The following TRPV4 variants were observed in gnomAD, a reference collection of about 807,000 sequenced individuals.
The protein encoded by TRPV4 is OSM9-like transient receptor potential channel 4.
In TRPV4, 58 loss-of-function variants were observed where a neutral mutation model predicts 84.1. The observed-to-expected ratio is 0.69, with a 90% CI of 0.56 to 0.86. The LOEUF is 0.86. Among genes scored for constraint, TRPV4 ranks in the 40% least tolerant of loss-of-function variants. The pLI, the probability that TRPV4 is intolerant of heterozygous loss-of-function variation, is 0.00. For missense variants in TRPV4, 879 were observed against 1,181.1 expected (o/e 0.74, Z 3.75); for synonymous variants, 489 against 500.9 (o/e 0.98, Z 0.32).
At chr12:109,802,293 C>T (rs1415202366) in intron 4 of TRPV4, among the ~76,000 whole-genome samples, 2 of 149,626 alleles carry the variant, frequency 1.3e-5, no homozygotes, top group Non-Finnish European at 3.0e-5. Flanking sequence ...ACAAGCCTGG[C>T]TTTTTTTGCA....
rs1340974810 is a variant in TRPV4, at chr12:109,786,802, G to A, written c.2244C>T (p.Phe748=). 12 of 1,613,930 alleles carry A rather than the reference G, an allele frequency of 7.4e-6. No individual in the cohort carries two copies. The Admixed American group carries it at 1.2e-4, about 16-fold the overall frequency. ...GGAAGGCCTTCCTCAGGAATACGGG[G>A]AAGGAGCGCTCAATGTCCAGGATGG... ...ATTILDIERS[F]PVFLRKAFRS... The change falls in exon 14 of 16, where the codon TTC becomes TTT. Residue 748 remains phenylalanine, a synonymous_variant. Coordinates refer to ENST00000261740, the MANE Select transcript of TRPV4 (RefSeq NM_021625.5). The surrounding 1 kb of genome is among the most constrained non-coding windows in gnomAD (Gnocchi z 4.5).
In TRPV4 at chr12:109,793,992, A is replaced by G. The variant is rs1167973138; in HGVS notation, c.1522T>C (p.Tyr508His). Residue 508 changes from tyrosine to histidine, a missense_variant, in exon 9 of 16, where the codon TAC (tyrosine) becomes CAC (histidine). Physicochemically the swap from Tyr to His is moderately conservative, Grantham distance 83 (BLOSUM62 2). Around this residue, in one of 4 missense-constraint regions of TRPV4, gnomAD observed 521 missense variants for 686.6 expected, o/e 0.76. Coordinates refer to ENST00000261740, the MANE Select transcript of TRPV4 (RefSeq NM_021625.5). This position sits in a 1 kb window ranked among gnomAD's most constrained non-coding sequence, Gnocchi z 4.0. ...ATGACCTCGCCAGCCAGCCGCAGGT[A>G]GTCCACCGTGGTGCGGTAAGGGTAC... ...PPYPYRTTVD[Y>H]LRLAGEVITL... 19 of 1,610,374 alleles carry G rather than the reference A, an allele frequency of 1.2e-5. No individual in the cohort carries two copies. The highest frequency in any genetic ancestry group is 1.6e-5 in the Non-Finnish European group (19 of 1,179,058).
rs376898641 is a variant in TRPV4 at position 109,808,441 on chromosome 12, A to T, written c.414T>A (p.Pro138=). ...TGAGGATGGGGGGCGGCTGAGGGGCAGGGGCTTTGGGGCTCTGCGGCTGCT... is the reference window on the plus strand; with the variant it reads ...TGAGGATGGGGGGCGGCTGAGGGGCTGGGGCTTTGGGGCTCTGCGGCTGCT... ...IEKQPQSPKA[P]APQPPPILKV... Residue 138 remains proline, a synonymous_variant, in exon 3 of 16, where the codon CCT becomes CCA. Coordinates refer to ENST00000261740, the MANE Select transcript of TRPV4 (RefSeq NM_021625.5). 1 of 1,613,758 alleles carries T rather than the reference A, an allele frequency of 6.2e-7. No individual in the cohort carries two copies. The highest frequency in any genetic ancestry group is 1.3e-5 in the African/African-American group (1 of 74,896).
rs1415066165 is a variant in TRPV4 at position 109,786,190 on chromosome 12, C to T, written c.2336+520G>A. Among the ~76,000 whole-genome samples, 2 of 152,186 alleles carry T rather than the reference C, an allele frequency of 1.3e-5. 1 individual carries two copies. The highest frequency in any genetic ancestry group is 4.1e-4 in the South Asian group (2 of 4,834). On this transcript the variant is annotated intron_variant, in intron 14 of 15. Coordinates refer to ENST00000261740, the MANE Select transcript of TRPV4 (RefSeq NM_021625.5). The surrounding 1 kb of genome is among the most constrained non-coding windows in gnomAD (Gnocchi z 4.5). ...AAGAAAAGATTCATGAAGGGGTTCCCCTAAGAAGCTGGCACTCCCTGTGCC... is the reference window on the plus strand; with the variant it reads ...AAGAAAAGATTCATGAAGGGGTTCCTCTAAGAAGCTGGCACTCCCTGTGCC...
intron 2 of TRPV4, among the ~76,000 whole-genome samples, chr12:109,811,762 C>T (rs1413977305): frequency 6.6e-6 from 1 of 151,986 alleles, no homozygotes; most frequent in Non-Finnish European, 1.5e-5. Flanking sequence ...GAATCGGCTC[C>T]ATCCAAGAGA....
At chr12:109,784,254 TCAAAG>T in intron 15 of TRPV4, 57 bp downstream of exon 15, 1 of 1,612,806 alleles carries the variant, frequency 6.2e-7, no homozygotes, top group Non-Finnish European at 8.5e-7. Flanking sequence ...GCAGGACTGC[TCAAAG>T]CAAATTCGTG....
intron 13 of TRPV4, among the ~76,000 whole-genome samples, chr12:109,787,788 C>T (rs1205858589): frequency 6.6e-6 from 1 of 152,108 alleles, no homozygotes; most frequent in Non-Finnish European, 1.5e-5. Flanking sequence ...ATTCCTGGGC[C>T]GTGGGGCAGC....
Position 109,800,828 on chromosome 12 carries a change from G to A in TRPV4, c.713-70C>T. 2.6e-6 allele frequency: 4 copies of A among 1,525,012 alleles called. No individual in the cohort carries two copies. In the South Asian group the frequency reaches 3.4e-5, roughly 13 times the overall value. The allele number at this position is 1,525,012 out of a possible 1,614,324, so 94.5% of individuals were successfully genotyped here. A position where few individuals can be genotyped will look rare whatever the true frequency, so the allele number is the denominator to read the frequency against. On this transcript the variant is annotated intron_variant, in intron 4 of 15. Coordinates refer to ENST00000261740, the MANE Select transcript of TRPV4 (RefSeq NM_021625.5). ...CCTAGCCAGGCTTGCTGGGGGTGGG[G>A]GTAGGGTGCAGGACGTAGAAATTGG...
intron 1 of TRPV4, among the ~76,000 whole-genome samples, chr12:109,820,819 G>A (rs995637511): frequency 2.0e-5 from 3 of 152,066 alleles, no homozygotes; most frequent in African/African-American, 4.8e-5. Context: ...CACTACGCCC[G>A]GCCCTCAGCT....
At chr12:109,807,054 A>G (rs1179368163) in intron 3 of TRPV4, among the ~76,000 whole-genome samples, 2 of 152,090 alleles carry the variant, frequency 1.3e-5, no homozygotes, top group Non-Finnish European at 2.9e-5. Flanking sequence ...AGGCGGGCAG[A>G]TCACCTGAGG....
intron 1 of TRPV4, among the ~76,000 whole-genome samples, chr12:109,822,144 G>T (rs1200045120): frequency 6.9e-6 from 1 of 144,558 alleles, no homozygotes; most frequent in Non-Finnish European, 1.5e-5. Flanking sequence ...GTGCACAGAG[G>T]AATGGTGTGG....
At chr12:109,792,452 G>A (rs1194777253) in intron 11 of TRPV4, 23 bp from the exon 12 acceptor site, 1 of 1,612,658 alleles carries the variant, frequency 6.2e-7, no homozygotes, top group Non-Finnish European at 8.5e-7. Context: ...GCGGGATTAT[G>A]GAGGCAAAGA....
At chr12:109,792,576 T>A in intron 11 of TRPV4, 76 bp downstream of exon 11, 1 of 1,597,522 alleles carries the variant, frequency 6.3e-7, no homozygotes, top group Non-Finnish European at 8.6e-7. Flanking sequence ...GGTCTGCAGG[T>A]GCATAAGTGT....
rs115577426 is a variant in TRPV4 at position 109,786,469 on chromosome 12, C to T, written c.2336+241G>A. On this transcript the variant is annotated intron_variant, in intron 14 of 15. Coordinates refer to ENST00000261740, the MANE Select transcript of TRPV4 (RefSeq NM_021625.5). This position sits in a 1 kb window ranked among gnomAD's most constrained non-coding sequence, Gnocchi z 4.5. ...TTCTCACGTGCTGACCTGTCTAATC[C>T]GCACCGCCAGCCTAGGAGCCCGTGA... Among the ~76,000 whole-genome samples, 3,688 of 152,290 alleles carry T rather than the reference C, an allele frequency of 0.024. 79 individuals are homozygous for T. Among genetic ancestry groups the T allele is most frequent in the African/African-American group, 0.06 (2,475 of 41,564 alleles).
intron 1 of TRPV4, among the ~76,000 whole-genome samples, chr12:109,825,501 A>G (rs1166332705): frequency 1.3e-5 from 2 of 151,944 alleles, no homozygotes; most frequent in South Asian, 2.1e-4. Flanking sequence ...GAGGTGGGGG[A>G]TGATGACATT....
intron 1 of TRPV4, among the ~76,000 whole-genome samples, chr12:109,818,103 GGCA>G (rs1191827494): frequency 6.6e-6 from 1 of 151,628 alleles, no homozygotes. Flanking sequence ...CTGAAATGCG[GGCA>G]GCTGGCTGCA....
chr12:109,822,351 T>C (rs1379668511), intron 1 of TRPV4, among the ~76,000 whole-genome samples: 7 of 152,142 alleles, frequency 4.6e-5, no homozygotes. Context: ...CTTCCTGTGG[T>C]ACCCTCAAAT....
chr12:109,799,051 C>G, intron 5 of TRPV4, 139 bp from the exon 6 acceptor site: 1 of 826,994 alleles, frequency 1.2e-6, no homozygotes, highest in Non-Finnish European at 1.9e-6. Flanking sequence ...ATGAACTGCA[C>G]GTTTCTCTGG....
intron 1 of TRPV4, among the ~76,000 whole-genome samples, chr12:109,824,290 GGC>G (rs1892191532): frequency 6.6e-6 from 1 of 152,064 alleles, no homozygotes; most frequent in Non-Finnish European, 1.5e-5. Flanking sequence ...AACAAGGTCT[GGC>G]ACGTAGTAGG....
Sources: allele counts gnomAD v4.1 joint callset (sites outside exome capture counted in the v4.1 genomes callset), GRCh38; gene constraint gnomAD v4.1.1; regional missense constraint gnomAD v4.1.1; non-coding constraint Gnocchi (gnomAD v3.1); transcripts MANE v1.5; gene names NCBI Gene and HGNC (gene_info 2026-07-23, HGNC 2026-07-21).